The following ARMC3 variants were observed in gnomAD, a reference collection of about 807,000 sequenced individuals.
ARMC3 encodes armadillo repeat-containing protein 3.
In ARMC3, 74 loss-of-function variants were observed where a neutral mutation model predicts 90.3. The observed-to-expected ratio is 0.82, with a 90% CI of 0.68 to 0.99. ARMC3 has a LOEUF of 0.99. Ranked by LOEUF, ARMC3 falls within the 50% of genes least tolerant of loss-of-function variation. ARMC3 has a pLI of 0.00. For missense variants in ARMC3, 958 were observed against 1,042.8 expected, an observed-to-expected ratio of 0.92 and a Z score of 1.12; for synonymous variants, 334 against 361.8, an observed-to-expected ratio of 0.92 and a Z score of 0.87.
At chr10:22,986,141 G>C (rs1836425305) in intron 10 of ARMC3, among the ~76,000 whole-genome samples, 1 of 117,768 alleles carries the variant, frequency 8.5e-6, no homozygotes, top group Non-Finnish European at 1.7e-5. Flanking sequence ...CCAACCACTA[G>C]CATCCATGAA....
At chr10:22,991,883 G>A (rs1836727181) in intron 10 of ARMC3, among the ~76,000 whole-genome samples, 1 of 152,018 alleles carries the variant, frequency 6.6e-6, no homozygotes, top group Admixed American at 6.6e-5. Context: ...TAATTACTTT[G>A]GGATTGTATC....
At chr10:23,011,460 A>G (rs923105228) in intron 16 of ARMC3, among the ~76,000 whole-genome samples, 2 of 152,198 alleles carry the variant, frequency 1.3e-5, no homozygotes, top group African/African-American at 4.8e-5. Flanking sequence ...ACACTCAACC[A>G]GTGTCAGTTT....
rs189034352 is a variant in ARMC3, at chr10:22,948,548, A to T, written c.166+2287A>T. Among the ~76,000 whole-genome samples the T allele has an allele frequency of 3.1e-4, 47 of 152,162 alleles. 2 individuals carry two copies. The highest frequency in any genetic ancestry group is 8.8e-5 in the Non-Finnish European group (6 of 68,022). ...AAACAGACCCAATATGTGAAAGTAG[A>T]GTAGACTTACTCTATTGGTGGAAAC... On this transcript the variant is annotated intron_variant, in intron 3 of 18. Coordinates refer to ENST00000298032, the MANE Select transcript of ARMC3 (RefSeq NM_173081.5).
chr10:23,035,094 T>G (rs572525460), intron 18 of ARMC3, among the ~76,000 whole-genome samples: 2 of 152,180 alleles, frequency 1.3e-5, no homozygotes, highest in Non-Finnish European at 2.9e-5. Flanking sequence ...TGCCAGCAGA[T>G]TCAGTGTCTA....
chr10:22,933,273 T>C (rs893803905), intron 2 of ARMC3, among the ~76,000 whole-genome samples: 10 of 152,314 alleles, frequency 6.6e-5, no homozygotes, highest in Middle Eastern at 3.4e-3. Context: ...ATTTTTTTTT[T>C]CATTGCATCC....
intron 2 of ARMC3, among the ~76,000 whole-genome samples, chr10:22,944,269 C>A (rs948748184): frequency 2.0e-5 from 3 of 152,130 alleles, no homozygotes; most frequent in Non-Finnish European, 4.4e-5. Flanking sequence ...GGTCTTTCTT[C>A]TTATTATTCA....
intron 13 of ARMC3, among the ~76,000 whole-genome samples, chr10:23,003,662 A>G (rs1358571258): frequency 6.6e-6 from 1 of 152,202 alleles, no homozygotes; most frequent in African/African-American, 2.4e-5. Context: ...TTCAGATAAG[A>G]TACAAAAGAA....
At chr10:23,009,575 T>G (rs1034305289) in intron 16 of ARMC3, among the ~76,000 whole-genome samples, 3 of 152,170 alleles carry the variant, frequency 2.0e-5, no homozygotes, top group Non-Finnish European at 4.4e-5. Context: ...CTTGGCTCAC[T>G]GCAACCTCTG....
chr10:23,014,620 A>G, intron 16 of ARMC3: 1 of 514,820 alleles, frequency 1.9e-6, no homozygotes, highest in Non-Finnish European at 2.5e-6. Flanking sequence ...TTATGCAGCC[A>G]CAAAAAAGAG....
chr10:23,006,745 A>G (rs1342658915), intron 13 of ARMC3, 139 bp from the exon 14 acceptor site: 4 of 664,074 alleles, frequency 6.0e-6, no homozygotes, highest in Non-Finnish European at 1.0e-5. Flanking sequence ...CTAATTTTAT[A>G]TATGTATATT....
At chr10:22,935,838 A>T (rs1834087234) in intron 2 of ARMC3, among the ~76,000 whole-genome samples, 1 of 152,216 alleles carries the variant, frequency 6.6e-6, no homozygotes, top group Non-Finnish European at 1.5e-5. Flanking sequence ...ACATTTTAGC[A>T]AATTTTTCCG....
At chr10:23,026,333 C>G (rs1838715209) in intron 16 of ARMC3, among the ~76,000 whole-genome samples, 1 of 152,000 alleles carries the variant, frequency 6.6e-6, no homozygotes, top group African/African-American at 2.4e-5. Flanking sequence ...ATCCCTAAAT[C>G]CTGTATGAAA....
chr10:23,008,244 C>T (rs2131463677), intron 14 of ARMC3, 32 bp from the exon 15 acceptor site: 3 of 1,084,300 alleles, frequency 2.8e-6, no homozygotes, highest in South Asian at 3.3e-5. Context: ...TAATTTTAAT[C>T]TATATATAAT....
intron 18 of ARMC3, among the ~76,000 whole-genome samples, chr10:23,036,770 C>T (rs1192652276): frequency 6.6e-6 from 1 of 152,198 alleles, no homozygotes; most frequent in Non-Finnish European, 1.5e-5. Flanking sequence ...AAGGAACCAA[C>T]GTAGTCTCTG....
chr10:23,014,750 T>G (rs1399699508), intron 16 of ARMC3, among the ~76,000 whole-genome samples: 1 of 151,934 alleles, frequency 6.6e-6, no homozygotes, highest in Non-Finnish European at 1.5e-5. Flanking sequence ...AGCTAAATGA[T>G]GAGAGCACAT....
chr10:22,995,755 T>A (rs1195183696), intron 10 of ARMC3, among the ~76,000 whole-genome samples: 11 of 152,222 alleles, frequency 7.2e-5, no homozygotes. Context: ...GTTTCTTAGT[T>A]TTCAAGATGA....
intron 10 of ARMC3, among the ~76,000 whole-genome samples, chr10:22,984,911 TG>T (rs955290433): frequency 7.9e-5 from 12 of 152,042 alleles, no homozygotes; most frequent in African/African-American, 2.7e-4. Flanking sequence ...GTCACTTTAT[TG>T]CCCAGGCTGA....
At position 22,955,941 on chromosome 10, in the gene ARMC3, C is replaced by T; in HGVS notation, c.292+9C>T. 1 of 1,577,018 alleles carries T rather than the reference C, an allele frequency of 6.3e-7. No individual in the cohort carries two copies. Among genetic ancestry groups the T allele is most frequent in the African/African-American group, 1.4e-5 (1 of 73,708 alleles). ...AATCCTGGCTTCTAATAGTAAGTAT[C>T]AACTTTTAAAAATAATCAAATAATC... On this transcript the variant is annotated intron_variant, in intron 4 of 18. Coordinates refer to ENST00000298032, the MANE Select transcript of ARMC3 (RefSeq NM_173081.5).
intron 8 of ARMC3, 79 bp downstream of exon 8, chr10:22,968,568 C>T: frequency 7.9e-7 from 1 of 1,272,246 alleles, no homozygotes; most frequent in Non-Finnish European, 1.1e-6. Context: ...GGCGTGATCA[C>T]AGCTCACTGC....
Sources: gnomAD v4.1 joint callset for allele counts (sites outside exome capture counted in the v4.1 genomes callset) on GRCh38, gnomAD v4.1.1 for gene constraint, MANE v1.5 for transcripts, NCBI Gene and HGNC (gene_info 2026-07-23, HGNC 2026-07-21) for gene names.